The following CORO2B variants were observed in gnomAD, a reference collection of about 807,000 sequenced individuals.
The protein encoded by CORO2B is coronin-2B.
Under a neutral mutation model 58.8 loss-of-function variants are expected in CORO2B, and 26 were observed. That is an observed-to-expected ratio of 0.44 (90% CI 0.32 to 0.61). CORO2B has a LOEUF of 0.61. Ranked by LOEUF, CORO2B falls within the 20% of genes least tolerant of loss-of-function variation. CORO2B has a pLI of 0.04. For synonymous variants in CORO2B, 242 were observed against 253.8 expected (o/e 0.95, Z 0.44); for missense variants, 460 against 645.1 (o/e 0.71, Z 3.11).
chr15:68,571,921 C>T, the CORO2B span, among the ~76,000 whole-genome samples: 30 of 152,270 alleles, frequency 2.0e-4, no homozygotes, highest in South Asian at 5.0e-3. Flanking sequence ...ATGATGTAAC[C>T]GGGGTGGTGG....
At chr15:68,702,567 C>T (rs921238233) in intron 3 of CORO2B, among the ~76,000 whole-genome samples, 2 of 152,050 alleles carry the variant, frequency 1.3e-5, no homozygotes, top group African/African-American at 4.8e-5. Flanking sequence ...ATGATAAACT[C>T]AATTTTTAGA....
intron 2 of CORO2B, among the ~76,000 whole-genome samples, chr15:68,662,705 A>G (rs1902053705): frequency 1.3e-5 from 2 of 152,276 alleles, no homozygotes; most frequent in Admixed American, 6.5e-5. Flanking sequence ...ACAGTAGTAC[A>G]GTAGATGCCA....
chr15:68,725,261 C>G (rs773397104), intron 11 of CORO2B, among the ~76,000 whole-genome samples: 1 of 151,918 alleles, frequency 6.6e-6, no homozygotes, highest in Non-Finnish European at 1.5e-5. Flanking sequence ...CCCAGCTACT[C>G]GGGAGGCTGA....
At chr15:68,550,276 C>G in the CORO2B span, among the ~76,000 whole-genome samples, 1 of 152,114 alleles carries the variant, frequency 6.6e-6, no homozygotes. Context: ...GGATGTAATG[C>G]CCCAGCTAGT....
At chr15:68,703,335 A>G (rs1207925976) in intron 3 of CORO2B, among the ~76,000 whole-genome samples, 11 of 137,886 alleles carry the variant, frequency 8.0e-5, no homozygotes, top group South Asian at 2.3e-4. Context: ...ATTTTTAGTA[A>G]AGACAGGGTT....
At chr15:68,672,415 C>T (rs888054634) in intron 2 of CORO2B, among the ~76,000 whole-genome samples, 4 of 151,564 alleles carry the variant, frequency 2.6e-5, no homozygotes, top group Admixed American at 1.3e-4. Flanking sequence ...GTATAACAGC[C>T]GGGACATAGA....
At chr15:68,574,284 G>T (rs975189177), upstream of CORO2B, among the ~76,000 whole-genome samples, 1 of 152,198 alleles carries the variant, frequency 6.6e-6, no homozygotes, top group Non-Finnish European at 1.5e-5. Context: ...GCCAGCATGT[G>T]GGCATGCCGC....
the CORO2B span, among the ~76,000 whole-genome samples, chr15:68,544,957 A>C: frequency 6.6e-5 from 10 of 152,112 alleles, no homozygotes; most frequent in African/African-American, 2.4e-4. Flanking sequence ...TTGTATTTTT[A>C]GTACAGACGG....
intron 1 of CORO2B, among the ~76,000 whole-genome samples, chr15:68,599,611 C>T (rs1200059609): frequency 1.3e-5 from 2 of 152,102 alleles, no homozygotes; most frequent in African/African-American, 2.4e-5. Flanking sequence ...CCCACCCCCA[C>T]GCTGCCCAGA....
chr15:68,599,757 CT>C (rs1472022017), intron 1 of CORO2B, among the ~76,000 whole-genome samples: 1 of 152,206 alleles, frequency 6.6e-6, no homozygotes, highest in Admixed American at 6.5e-5. Flanking sequence ...CTCCCCTCCC[CT>C]GGGAGGCTGC....
At chr15:68,651,265 GC>G (rs1254120316) in intron 2 of CORO2B, among the ~76,000 whole-genome samples, 1 of 152,208 alleles carries the variant, frequency 6.6e-6, no homozygotes, top group Non-Finnish European at 1.5e-5. Flanking sequence ...TCCCTCTACC[GC>G]CCCCTGTGGT....
chr15:68,616,620 T>C, intron 1 of CORO2B: 1 of 985,398 alleles, frequency 1.0e-6, no homozygotes, highest in Non-Finnish European at 1.2e-6. Flanking sequence ...AAGCGGTGAG[T>C]ACGGCTGTGT....
intron 1 of CORO2B, among the ~76,000 whole-genome samples, chr15:68,603,878 A>T (rs910640895): frequency 1.3e-5 from 2 of 152,076 alleles, no homozygotes; most frequent in Non-Finnish European, 2.9e-5. Context: ...TACATAGGGG[A>T]TGCTGGATCT....
intron 1 of CORO2B, among the ~76,000 whole-genome samples, chr15:68,595,419 G>A (rs563353150): frequency 3.9e-5 from 6 of 152,346 alleles, no homozygotes; most frequent in Non-Finnish European, 7.3e-5. Flanking sequence ...AGTGGGATAC[G>A]CCTTATCGTC....
intron 2 of CORO2B, among the ~76,000 whole-genome samples, chr15:68,657,816 A>G (rs1164067708): frequency 6.6e-6 from 1 of 152,322 alleles, no homozygotes; most frequent in South Asian, 2.1e-4. Flanking sequence ...GCTAGTGAAA[A>G]TATAGATGTA....
the CORO2B span, among the ~76,000 whole-genome samples, chr15:68,564,234 G>A: frequency 6.6e-6 from 1 of 151,992 alleles, no homozygotes; most frequent in Non-Finnish European, 1.5e-5. Context: ...TTCCAATTAT[G>A]CAGTGGGCTC....
At chr15:68,720,803 C>G (rs1248843452) in intron 11 of CORO2B, among the ~76,000 whole-genome samples, 1 of 152,208 alleles carries the variant, frequency 6.6e-6, no homozygotes, top group Non-Finnish European at 1.5e-5. Context: ...TTGAAGCAAG[C>G]TATTAGGGCC....
chr15:68,710,911 AG>A lies in CORO2B; in HGVS notation c.483+33del. On this transcript the variant is annotated intron_variant, in intron 4 of 11. Transcript: ENST00000261861. The surrounding 1 kb of genome is among the most constrained non-coding windows in gnomAD (Gnocchi z 4.1). ...GCAGTGGGCAGGCAGCTGGGTGGAGAGGGATTGGGGAAGAGAAAGGGGCCTT... is the reference window on the plus strand; with the variant it reads ...GCAGTGGGCAGGCAGCTGGGTGGAGAGGATTGGGGAAGAGAAAGGGGCCTT... 1 of 1,570,016 alleles carries A rather than the reference AG, an allele frequency of 6.4e-7. No homozygotes were observed. The highest frequency in any genetic ancestry group is 8.7e-7 in the Non-Finnish European group (1 of 1,153,776).
chr15:68,650,355 CTAAAAAAAAAAAAAAAAAAAAAAAAAAAA>C (rs1901597828), intron 2 of CORO2B, among the ~76,000 whole-genome samples: 5 of 85,108 alleles, frequency 5.9e-5, no homozygotes, highest in South Asian at 8.7e-4. Context: ...GAAACTCTGT[CTAAAAAAAAAAAAAAAAAAAAAAAAAAAA>C]AAAAAAAAAA....
Sources: gnomAD v4.1 joint callset for allele counts (sites outside exome capture counted in the v4.1 genomes callset) on GRCh38, gnomAD v4.1.1 for gene constraint, Gnocchi (gnomAD v3.1) non-coding constraint, MANE v1.5 for transcripts, NCBI Gene and HGNC (gene_info 2026-07-23, HGNC 2026-07-21) for gene names.